IMMP2L: variants seen among roughly 807,000 people sequenced by gnomAD.
IMMP2L encodes mitochondrial inner membrane protease subunit 2.
IMMP2L carries 18 observed loss-of-function variants against 19.3 expected under a neutral mutation model. The observed-to-expected ratio is 0.93, with a 90% CI of 0.64 to 1.38. The LOEUF is 1.38. Among genes scored for constraint, IMMP2L ranks in the 40% most tolerant of loss-of-function variants. The pLI, the probability that IMMP2L is intolerant of heterozygous loss-of-function variation, is 0.00. For missense variants in IMMP2L, 233 were observed against 218.2 expected (o/e 1.07, Z -0.43); for synonymous variants, 76 against 73.0 (o/e 1.04, Z -0.21).
rs529673542 is a variant in IMMP2L, at chr7:111,020,805, G to C, written c.240-57240C>G. Among the ~76,000 whole-genome samples, 4 of 152,144 alleles carry C rather than the reference G, an allele frequency of 2.6e-5. No individual in the cohort carries two copies. In the South Asian group the frequency reaches 8.3e-4, roughly 32 times the overall value. On this transcript the variant is annotated intron_variant, in intron 3 of 5. Transcript: ENST00000405709. ...AAAAAGAAAGAAAGAAAAATAAAGT[G>C]AGTTATTGAAGTCTCCAACTATTAT...
At chr7:111,514,171 G>A (rs1255233606) in intron 2 of IMMP2L, among the ~76,000 whole-genome samples, 1 of 152,094 alleles carries the variant, frequency 6.6e-6, no homozygotes, top group African/African-American at 2.4e-5. Context: ...TACTAAGAGA[G>A]TAGATCTTAA....
rs1042817644 is a variant in IMMP2L, at chr7:111,413,383, G to C, written c.239+73855C>G. ...TGAAGCCACCAAGCCTCCAAATCCA[G>C]ATAGAGATTACAAAAAAAAAATAAA... is the stretch of plus-strand genomic sequence containing the variant. On this transcript the variant is annotated intron_variant, in intron 3 of 5. Transcript: ENST00000405709. 3.3e-5 allele frequency among the ~76,000 whole-genome samples: 5 copies of C among 151,094 alleles called. No homozygotes were observed. The East Asian group carries it at 5.9e-4, about 18-fold the overall frequency.
At chr7:111,164,528 T>C (rs1165264104) in intron 3 of IMMP2L, among the ~76,000 whole-genome samples, 1 of 151,866 alleles carries the variant, frequency 6.6e-6, no homozygotes, top group Non-Finnish European at 1.5e-5. Context: ...AGGAATGGGA[T>C]GAAAGAGTGG....
At chr7:110,786,967 A>C (rs565479581) in intron 5 of IMMP2L, among the ~76,000 whole-genome samples, 1 of 152,064 alleles carries the variant, frequency 6.6e-6, no homozygotes. Flanking sequence ...CTTGGGATAC[A>C]TAGCATGATA....
chr7:111,480,219 G>A (rs572530937), intron 3 of IMMP2L, among the ~76,000 whole-genome samples: 28 of 151,576 alleles, frequency 1.8e-4, no homozygotes, highest in Non-Finnish European at 2.8e-4. Flanking sequence ...GAGTAGCTGG[G>A]ACTACAGGCG....
chr7:111,480,027 G>A (rs184421197), intron 3 of IMMP2L, among the ~76,000 whole-genome samples: 22 of 151,732 alleles, frequency 1.4e-4, no homozygotes, highest in Non-Finnish European at 7.4e-5. Flanking sequence ...CATTGTGAAG[G>A]CAGTTTATCC....
chr7:110,960,541 A>T (rs1818824308), intron 4 of IMMP2L, among the ~76,000 whole-genome samples: 1 of 151,928 alleles, frequency 6.6e-6, no homozygotes, highest in South Asian at 2.1e-4. Context: ...TTTGCATCGT[A>T]TCTATATACT....
At position 111,011,468 on chromosome 7, in the gene IMMP2L, A is replaced by G. The variant is rs1318553248; in HGVS notation, c.240-47903T>C. ...TTCAGGAATGCAGTGCATTTGAAAA[A>G]CAATTTTCTGAAGAAAAGAGTCCCC... On this transcript the variant is annotated intron_variant, in intron 3 of 5. Transcript: ENST00000405709. Among the ~76,000 whole-genome samples, 4 of 152,120 alleles carry G rather than the reference A, an allele frequency of 2.6e-5. No homozygotes were observed. The East Asian group carries it at 7.7e-4, about 29-fold the overall frequency.
chr7:110,975,713 T>C (rs1389364312), intron 3 of IMMP2L, among the ~76,000 whole-genome samples: 1 of 152,128 alleles, frequency 6.6e-6, no homozygotes, highest in Non-Finnish European at 1.5e-5. Context: ...GTGGCTTTGG[T>C]GCTAAGCTAT....
intron 5 of IMMP2L, among the ~76,000 whole-genome samples, chr7:110,702,833 C>A (rs1310323956): frequency 6.6e-6 from 1 of 152,238 alleles, no homozygotes; most frequent in Non-Finnish European, 1.5e-5. Flanking sequence ...ATATTTTCTA[C>A]ATGTACAATC....
At chr7:111,041,508 T>G (rs1238636513) in intron 3 of IMMP2L, among the ~76,000 whole-genome samples, 2 of 151,846 alleles carry the variant, frequency 1.3e-5, no homozygotes, top group East Asian at 1.9e-4. Context: ...CAGGGGCACA[T>G]GTAAAGTTAA....
chr7:111,006,064 T>C (rs2129562128), intron 3 of IMMP2L, among the ~76,000 whole-genome samples: 1 of 152,250 alleles, frequency 6.6e-6, no homozygotes, highest in East Asian at 1.9e-4. Context: ...AAGGGGCTCA[T>C]CTGAGTCTGA....
intron 4 of IMMP2L, among the ~76,000 whole-genome samples, chr7:110,903,757 T>C (rs996558071): frequency 1.3e-5 from 2 of 152,022 alleles, no homozygotes; most frequent in African/African-American, 4.8e-5. Flanking sequence ...TGCTGGATCA[T>C]ATAGTAGCTC....
chr7:111,267,121 C>T (rs995619725), intron 3 of IMMP2L, among the ~76,000 whole-genome samples: 8 of 152,060 alleles, frequency 5.3e-5, no homozygotes, highest in Admixed American at 1.3e-4. Flanking sequence ...GTCCAAAATT[C>T]CCTTTAGTGC....
intron 3 of IMMP2L, among the ~76,000 whole-genome samples, chr7:111,270,523 T>C (rs1818341807): frequency 1.3e-5 from 2 of 152,140 alleles, no homozygotes; most frequent in South Asian, 2.1e-4. Context: ...CAGAGTTCAC[T>C]ATAAAGAAAA....
At chr7:111,194,499 A>C (rs1316590588) in intron 3 of IMMP2L, among the ~76,000 whole-genome samples, 1 of 152,102 alleles carries the variant, frequency 6.6e-6, no homozygotes, top group Non-Finnish European at 1.5e-5. Flanking sequence ...TATTTGCTTC[A>C]ATGCTTCCTC....
chr7:111,532,722 G>C (rs948856162), intron 1 of IMMP2L: 1 of 152,140 alleles, frequency 6.6e-6, no homozygotes, highest in African/African-American at 2.4e-5. Context: ...AAAAAAATTA[G>C]AAACACAGGC....
intron 3 of IMMP2L, among the ~76,000 whole-genome samples, chr7:111,053,818 C>T (rs1793234474): frequency 6.6e-6 from 1 of 152,114 alleles, no homozygotes; most frequent in South Asian, 2.1e-4. Flanking sequence ...GTGTCAATTC[C>T]ACAAGACTTA....
chr7:110,914,615 C>G (rs1412756878), intron 4 of IMMP2L, among the ~76,000 whole-genome samples: 2 of 152,114 alleles, frequency 1.3e-5, no homozygotes, highest in East Asian at 1.9e-4. Context: ...TTCTTCTACC[C>G]AAGCTTTACC....
Sources: allele counts gnomAD v4.1 joint callset (sites outside exome capture counted in the v4.1 genomes callset), GRCh38; gene constraint gnomAD v4.1.1; transcripts MANE v1.5; gene names NCBI Gene and HGNC (gene_info 2026-07-23, HGNC 2026-07-21).